RBFOX1: variants seen among roughly 807,000 people sequenced by gnomAD.
RBFOX1 encodes the protein RNA binding fox-1 homolog 1, also known as RNA binding protein fox-1 homolog 1.
In RBFOX1, 8 loss-of-function variants were observed where a neutral mutation model predicts 57.7. That is an observed-to-expected ratio of 0.14 (90% confidence interval 0.08 to 0.25). The LOEUF is 0.25. Ranked by LOEUF, RBFOX1 falls within the 10% of genes least tolerant of loss-of-function variation. The pLI is 1.00. For synonymous variants in RBFOX1, 326 were observed against 222.4 expected (o/e 1.47, Z -4.15); for missense variants, 611 against 548.5 (o/e 1.11, Z -1.14).
intron 3 of RBFOX1, among the ~76,000 whole-genome samples, chr16:5,746,331 G>A (rs1180880486): frequency 4.6e-5 from 7 of 152,172 alleles, no homozygotes; most frequent in Admixed American, 4.6e-4. Flanking sequence ...ATGCTGTTTT[G>A]GTTACTGTAG....
At chr16:6,777,106 A>G (rs2079507173) in intron 3 of RBFOX1, among the ~76,000 whole-genome samples, 1 of 152,286 alleles carries the variant, frequency 6.6e-6, no homozygotes, top group South Asian at 2.1e-4. Context: ...TTAGTAAAAT[A>G]CGAGTCTTGG....
chr16:6,506,488 CTA>C (rs1400697971), intron 2 of RBFOX1, among the ~76,000 whole-genome samples: 2 of 151,926 alleles, frequency 1.3e-5, no homozygotes, highest in Non-Finnish European at 2.9e-5. Flanking sequence ...AACCAAGACT[CTA>C]TTAAAAAAGA....
chr16:6,313,639 C>T (rs2080675244), intron 1 of RBFOX1, among the ~76,000 whole-genome samples: 1 of 152,120 alleles, frequency 6.6e-6, no homozygotes, highest in African/African-American at 2.4e-5. Context: ...TGAGCATTCA[C>T]CTTCATTCTG....
At chr16:6,806,758 A>AT (rs142091095) in intron 3 of RBFOX1, among the ~76,000 whole-genome samples, 28,182 of 137,664 alleles carry the variant, frequency 0.2, 3,827 homozygotes, top group Non-Finnish European at 0.3. Context: ...TTCTTTTTCT[A>AT]TTTTTTCTTT....
intron 4 of RBFOX1, among the ~76,000 whole-genome samples, chr16:5,990,327 A>G (rs1329064102): frequency 6.6e-6 from 1 of 152,170 alleles, no homozygotes; most frequent in Non-Finnish European, 1.5e-5. Context: ...ACTGGCCGTA[A>G]TGGAAAGAAT....
intron 4 of RBFOX1, among the ~76,000 whole-genome samples, chr16:5,924,104 C>T (rs556133134): frequency 6.6e-6 from 1 of 152,222 alleles, no homozygotes; most frequent in South Asian, 2.1e-4. Context: ...TAGTTCCCCT[C>T]CTTGCACTCA....
intron 4 of RBFOX1, among the ~76,000 whole-genome samples, chr16:7,494,357 T>TG (rs2067902378): frequency 3.3e-5 from 5 of 152,084 alleles, no homozygotes; most frequent in Admixed American, 3.3e-4. Flanking sequence ...TGGCGGCTAG[T>TG]GTGTTATTTT....
intron 3 of RBFOX1, among the ~76,000 whole-genome samples, chr16:6,656,927 C>T (rs2098659572): frequency 7.6e-6 from 1 of 131,096 alleles, no homozygotes; most frequent in Non-Finnish European, 1.6e-5. Flanking sequence ...CCTCTCCTCT[C>T]CTCCCCTCTC....
At chr16:6,253,372 G>C (rs1360235164) in intron 1 of RBFOX1, among the ~76,000 whole-genome samples, 1 of 152,132 alleles carries the variant, frequency 6.6e-6, no homozygotes, top group Non-Finnish European at 1.5e-5. Flanking sequence ...TACGCAACTT[G>C]CATGCATGAA....
At chr16:6,118,777 C>T (rs778839006) in intron 1 of RBFOX1, among the ~76,000 whole-genome samples, 2 of 149,448 alleles carry the variant, frequency 1.3e-5, no homozygotes, top group Non-Finnish European at 3.0e-5. Flanking sequence ...CCCTCTCTTT[C>T]TCCCTCTCTT....
chr16:5,767,994 G>A (rs981688369), intron 3 of RBFOX1, among the ~76,000 whole-genome samples: 4 of 151,942 alleles, frequency 2.6e-5, no homozygotes, highest in Non-Finnish European at 4.4e-5. Flanking sequence ...AGAAACAGTC[G>A]GGCCACCCAT....
intron 2 of RBFOX1, among the ~76,000 whole-genome samples, chr16:6,647,893 G>C (rs2098546768): frequency 6.6e-6 from 1 of 152,192 alleles, no homozygotes; most frequent in African/African-American, 2.4e-5. Flanking sequence ...CCAGTCTGGA[G>C]TGTAGTGGTG....
Position 5,933,483 on chromosome 16 carries a change from A to C in RBFOX1, c.351+66148A>C, listed in dbSNP as rs553473437. Among the ~76,000 whole-genome samples, 7 of 152,296 alleles carry C rather than the reference A, an allele frequency of 4.6e-5. No homozygotes were observed. The East Asian group carries it at 9.6e-4, about 21-fold the overall frequency. ...TCTCTTTAGGATCACAGGGACCGTC[A>C]GGGTTGAATCTCCTTGTTTTCCTGA... On this transcript the variant is annotated intron_variant, in intron 4 of 19. Transcript: ENST00000641259.
At chr16:6,697,298 G>C (rs1381804919) in intron 3 of RBFOX1, among the ~76,000 whole-genome samples, 1 of 152,076 alleles carries the variant, frequency 6.6e-6, no homozygotes. Context: ...TGTAGTCATG[G>C]TACTTGACTT....
At chr16:5,379,856 A>G (rs1013293849) in intron 1 of RBFOX1, among the ~76,000 whole-genome samples, 2 of 152,166 alleles carry the variant, frequency 1.3e-5, no homozygotes, top group Non-Finnish European at 1.5e-5. Flanking sequence ...GTCATTAAAC[A>G]TCTCTTCTGG....
intron 3 of RBFOX1, among the ~76,000 whole-genome samples, chr16:6,843,540 T>A (rs1603631372): frequency 1.3e-5 from 2 of 151,616 alleles, no homozygotes; most frequent in African/African-American, 2.4e-5. Context: ...TAAAAAAAAA[T>A]TATCTAGGCA....
At chr16:6,334,029 C>T (rs373546382) in intron 2 of RBFOX1, among the ~76,000 whole-genome samples, 97 of 151,942 alleles carry the variant, frequency 6.4e-4, no homozygotes, top group Non-Finnish European at 9.7e-4. Flanking sequence ...GACTAGACTC[C>T]GAAGGATTTT....
At chr16:7,604,427 T>C (rs2095197680) in intron 9 of RBFOX1, among the ~76,000 whole-genome samples, 2 of 152,322 alleles carry the variant, frequency 1.3e-5, no homozygotes, top group South Asian at 4.1e-4. Flanking sequence ...ACTTTATCAA[T>C]TACCTTTCTC....
intron 4 of RBFOX1, among the ~76,000 whole-genome samples, chr16:7,297,731 G>C (rs929454685): frequency 9.2e-5 from 14 of 152,048 alleles, no homozygotes; most frequent in Admixed American, 2.0e-4. Flanking sequence ...TAATATAACT[G>C]TTTCATTTTA....
Sources: allele counts gnomAD v4.1 joint callset (sites outside exome capture counted in the v4.1 genomes callset), GRCh38; gene constraint gnomAD v4.1.1; transcripts MANE v1.5; gene names NCBI Gene and HGNC (gene_info 2026-07-23, HGNC 2026-07-21).